Variants in PUDP observed in about 807,000 individuals in gnomAD.
The protein encoded by PUDP is pseudouridine 5'-phosphatase, also known as pseudouridine-5'-phosphatase.
PUDP carries 8 observed loss-of-function variants against 9.4 expected under a neutral mutation model. The ratio of observed to expected loss-of-function variants is 0.85; its 90% CI spans 0.50 to 1.53. The LOEUF (loss-of-function observed/expected upper bound fraction) is 1.53. Ranked by LOEUF, PUDP falls within the 40% of genes most tolerant of loss-of-function variation. The pLI is 0.00. For missense variants in PUDP, 188 were observed against 189.7 expected (o/e 0.99, Z 0.05); for synonymous variants, 99 against 80.7 (o/e 1.23, Z -1.22).
chrX:7,099,710 T>C (rs1362912922), intron 2 of PUDP, among the ~76,000 whole-genome samples: 1 of 111,846 alleles, frequency 8.9e-6, no homozygotes, highest in African/African-American at 3.3e-5. Flanking sequence ...AGAGCCCTCC[T>C]ATACCATGAC....
intron 3 of PUDP, among the ~76,000 whole-genome samples, chrX:6,878,326 T>C (rs943334165): frequency 9.0e-6 from 1 of 111,114 alleles, no homozygotes; most frequent in African/African-American, 3.3e-5. Context: ...TGAAGTACCA[T>C]GTGAGCCATC....
chrX:7,133,431 C>G (rs1298882020), intron 1 of PUDP, among the ~76,000 whole-genome samples: 3 of 112,268 alleles, frequency 2.7e-5, no homozygotes, highest in Non-Finnish European at 5.6e-5. Context: ...AGAAGAGGAA[C>G]TATCCGTGAA....
intron 3 of PUDP, among the ~76,000 whole-genome samples, chrX:6,928,512 T>A (rs1043403009): frequency 3.6e-5 from 4 of 111,948 alleles, no homozygotes; most frequent in Non-Finnish European, 7.5e-5. Context: ...AAAATTCAAA[T>A]ATTTGTCATT....
chrX:7,018,219 C>T (rs1216906798), intron 1 of PUDP, among the ~76,000 whole-genome samples: 1 of 111,803 alleles, frequency 8.9e-6, no homozygotes, highest in East Asian at 2.8e-4. Context: ...AATAAACTTG[C>T]TTTCACTTTA....
chrX:6,911,708 G>A (rs1348036455), intron 3 of PUDP, among the ~76,000 whole-genome samples: 1 of 111,781 alleles, frequency 8.9e-6, no homozygotes, highest in East Asian at 2.8e-4. Context: ...ATTTATTTTA[G>A]AAGTGTGTTC....
intron 1 of PUDP, among the ~76,000 whole-genome samples, chrX:6,995,683 C>T (rs777882310): frequency 1.8e-5 from 2 of 109,327 alleles, no homozygotes; most frequent in South Asian, 8.4e-4. Flanking sequence ...GAGATCATGC[C>T]AGTGCACTCC....
intron 1 of PUDP, among the ~76,000 whole-genome samples, chrX:7,015,549 A>C (rs1378643612): frequency 1.8e-5 from 2 of 111,625 alleles, no homozygotes; most frequent in African/African-American, 6.5e-5. Context: ...CTACAGTCAA[A>C]CAAAGTAGGT....
intron 3 of PUDP, among the ~76,000 whole-genome samples, chrX:6,834,329 C>A (rs780973509): frequency 8.9e-6 from 1 of 111,874 alleles, no homozygotes; most frequent in East Asian, 2.8e-4. Context: ...TCTAATCATT[C>A]AGATCATTTT....
intron 3 of PUDP, among the ~76,000 whole-genome samples, chrX:6,789,961 G>T (rs776734541): frequency 2.9e-4 from 22 of 75,649 alleles, no homozygotes; most frequent in African/African-American, 8.4e-4. Flanking sequence ...GATAGAAAGA[G>T]ATAGATAAAT....
intron 3 of PUDP, among the ~76,000 whole-genome samples, chrX:6,753,627 C>T (rs1925133562): frequency 8.9e-6 from 1 of 111,902 alleles, no homozygotes; most frequent in Non-Finnish European, 1.9e-5. Flanking sequence ...GCATCCACGC[C>T]AATATCTACT....
chrX:6,772,167 T>G (rs756061136), intron 3 of PUDP, among the ~76,000 whole-genome samples: 18 of 112,564 alleles, frequency 1.6e-4, no homozygotes, highest in African/African-American at 5.8e-4. Flanking sequence ...TTTTGTCTCC[T>G]CATTTATTAG....
chrX:7,046,055 T>C (rs1430790814), downstream of PUDP, among the ~76,000 whole-genome samples: 1 of 112,424 alleles, frequency 8.9e-6, no homozygotes, highest in Non-Finnish European at 1.9e-5. Flanking sequence ...AATGATGTTA[T>C]TCATTGACTG....
At chrX:6,870,230 G>A (rs2146733436) in intron 3 of PUDP, among the ~76,000 whole-genome samples, 1 of 111,860 alleles carries the variant, frequency 8.9e-6, no homozygotes, top group East Asian at 2.8e-4. Flanking sequence ...TCTGGAGATG[G>A]GAGGTGGTGG....
chrX:7,015,726 C>T, intron 1 of PUDP, among the ~76,000 whole-genome samples: 1 of 110,587 alleles, frequency 9.0e-6, no homozygotes. Flanking sequence ...CAGGTGCATG[C>T]CAACATACCA....
chrX:6,760,512 A>G (rs954859526), intron 3 of PUDP, among the ~76,000 whole-genome samples: 2 of 112,012 alleles, frequency 1.8e-5, no homozygotes, highest in African/African-American at 6.5e-5. Context: ...AATGCATCCC[A>G]TCTGTACTCA....
At chrX:6,822,584 G>A (rs189418265) in intron 3 of PUDP, among the ~76,000 whole-genome samples, 174 of 111,620 alleles carry the variant, frequency 1.6e-3, no homozygotes, top group Non-Finnish European at 2.8e-3. Flanking sequence ...GTGCTACCAT[G>A]CCTGGCTAAT....
At chrX:6,779,388 C>T (rs1925520099) in intron 3 of PUDP, among the ~76,000 whole-genome samples, 1 of 111,478 alleles carries the variant, frequency 9.0e-6, no homozygotes, top group Non-Finnish European at 1.9e-5. Flanking sequence ...AACAGAAGGT[C>T]CCAATAAAGA....
At chrX:6,745,465 T>C (rs966189584) in intron 3 of PUDP, among the ~76,000 whole-genome samples, 1 of 112,080 alleles carries the variant, frequency 8.9e-6, no homozygotes, top group Admixed American at 9.5e-5. Context: ...AAGAGAAAGC[T>C]TGGAGTAAAC....
chrX:7,110,295 C>T lies in PUDP; in HGVS notation c.62-4457G>A, dbSNP rs73463716. ...TGGGTAATTGCTGCAAATCAAGTAA[C>T]ATTTTATAACTGAAAATGTATCTTA... On this transcript the variant is annotated intron_variant, in intron 1 of 3. Transcript: ENST00000381077. Among the ~76,000 whole-genome samples, 387 of 112,458 alleles carry T rather than the reference C, an allele frequency of 3.4e-3. 2 individuals are homozygous for T. Among genetic ancestry groups the T allele is most frequent in the African/African-American group, 0.012 (375 of 30,923 alleles).
Sources: gnomAD v4.1 joint callset for allele counts (sites outside exome capture counted in the v4.1 genomes callset) on GRCh38, gnomAD v4.1.1 for gene constraint, MANE v1.5 for transcripts, NCBI Gene and HGNC (gene_info 2026-07-23, HGNC 2026-07-21) for gene names.